Variants in ZEB1 observed in about 807,000 individuals in gnomAD.
ZEB1 encodes the protein zinc finger E-box binding homeobox 1.
A neutral mutation model predicts 84.9 loss-of-function variants in ZEB1; 21 were observed. The observed-to-expected ratio is 0.25, with a 90% CI of 0.18 to 0.36. The LOEUF (loss-of-function observed/expected upper bound fraction) is 0.36, where lower values mean the gene tolerates loss of function less well. ZEB1 is among the 10% of genes least tolerant of loss of function. ZEB1 has a pLI of 1.00. For missense variants in ZEB1, 1,104 were observed against 1,330.2 expected, an observed-to-expected ratio of 0.83 and a Z score of 2.65; for synonymous variants, 420 against 471.1, an observed-to-expected ratio of 0.89 and a Z score of 1.41.
At chr10:31,498,414 G>C (rs2067593159) in intron 3 of ZEB1, among the ~76,000 whole-genome samples, 1 of 151,842 alleles carries the variant, frequency 6.6e-6, no homozygotes, top group African/African-American at 2.4e-5. Flanking sequence ...TTTCTATTGA[G>C]GAAAAATTTT....
chr10:31,432,139 A>G (rs2057785543), intron 1 of ZEB1, among the ~76,000 whole-genome samples: 1 of 152,238 alleles, frequency 6.6e-6, no homozygotes, highest in Non-Finnish European at 1.5e-5. Flanking sequence ...TTCAGAATAT[A>G]GTATAGACCA....
Position 31,408,894 on chromosome 10 carries a change from TG to T in ZEB1, c.59-52140del, listed in dbSNP as rs1486935372. ...GGCAACAAAAGCCAAAATTGACAAA[TG>T]GGATCTAATTAAACTAAAGAGCTTC... is the stretch of plus-strand genomic sequence containing the variant. On this transcript the variant is annotated intron_variant, in intron 1 of 8. Transcript: ENST00000424869. Among the ~76,000 whole-genome samples the T allele has an allele frequency of 5.3e-5, 8 of 149,622 alleles. No homozygotes were observed. The East Asian group carries it at 1.2e-3, about 22-fold the overall frequency.
At chr10:31,524,750 T>C (rs1374851327) in intron 8 of ZEB1, among the ~76,000 whole-genome samples, 1 of 149,110 alleles carries the variant, frequency 6.7e-6, no homozygotes, top group Admixed American at 6.6e-5. Context: ...ATAAAAAATA[T>C]GAGACCAGTG....
At chr10:31,442,629 C>T (rs1008839282) in intron 1 of ZEB1, among the ~76,000 whole-genome samples, 5 of 151,592 alleles carry the variant, frequency 3.3e-5, no homozygotes, top group African/African-American at 4.8e-5. Context: ...TAGGAGAAGT[C>T]ACCTGGGATA....
chr10:31,332,255 T>C (rs2036961356), intron 1 of ZEB1, among the ~76,000 whole-genome samples: 1 of 152,210 alleles, frequency 6.6e-6, no homozygotes, highest in Admixed American at 6.5e-5. Flanking sequence ...GGCTGGTATC[T>C]GTGCACCAAG....
At chr10:31,449,085 T>A (rs1488061873) in intron 1 of ZEB1, among the ~76,000 whole-genome samples, 2 of 152,252 alleles carry the variant, frequency 1.3e-5, no homozygotes, top group East Asian at 1.9e-4. Flanking sequence ...CGTAGGACCC[T>A]CTGAGCCAGG....
chr10:31,346,614 C>T (rs975327492), intron 1 of ZEB1, among the ~76,000 whole-genome samples: 3 of 151,308 alleles, frequency 2.0e-5, no homozygotes, highest in African/African-American at 7.3e-5. Context: ...CCTTTTCTAT[C>T]ATGTCTTGAT....
At chr10:31,380,232 A>G (rs1380875388) in intron 1 of ZEB1, among the ~76,000 whole-genome samples, 1 of 151,680 alleles carries the variant, frequency 6.6e-6, no homozygotes, top group Admixed American at 6.6e-5. Context: ...TGGGTAAACT[A>G]TCCTGTAGAA....
chr10:31,500,408 A>C (rs1328540190), intron 3 of ZEB1, among the ~76,000 whole-genome samples: 1 of 151,960 alleles, frequency 6.6e-6, no homozygotes, highest in Non-Finnish European at 1.5e-5. Flanking sequence ...TTAAGGGAAA[A>C]TTACCCTCAC....
chr10:31,361,174 C>T (rs1428486864), intron 1 of ZEB1: 1 of 1,611,766 alleles, frequency 6.2e-7, no homozygotes, highest in Non-Finnish European at 8.5e-7. Context: ...TCCTCCTGTC[C>T]CAAAAGACCA....
At chr10:31,378,126 A>G (rs753977111) in intron 1 of ZEB1, among the ~76,000 whole-genome samples, 23 of 151,188 alleles carry the variant, frequency 1.5e-4, no homozygotes, top group Admixed American at 3.3e-4. Flanking sequence ...GGATGTATGT[A>G]TACTCACGTC....
chr10:31,343,422 T>G lies in ZEB1; in HGVS notation c.58+24130T>G, dbSNP rs1295145718. 2.0e-5 allele frequency among the ~76,000 whole-genome samples: 3 copies of G among 152,140 alleles called. No homozygotes were observed. The East Asian group carries it at 5.8e-4, about 29-fold the overall frequency. ...AGAAATATAAAAATCCAGCAATCCA[T>G]TATAGTATTGTATTAAGCCTAAGAT... On this transcript the variant is annotated intron_variant, in intron 1 of 8. Coordinates refer to ENST00000424869, the MANE Select transcript of ZEB1 (RefSeq NM_001174096.2).
At chr10:31,480,687 GC>G (rs2064929143) in intron 2 of ZEB1, among the ~76,000 whole-genome samples, 1 of 152,002 alleles carries the variant, frequency 6.6e-6, no homozygotes, top group South Asian at 2.1e-4. Flanking sequence ...AGGAGTGTAG[GC>G]TTTCCCTGCA....
intron 1 of ZEB1, among the ~76,000 whole-genome samples, chr10:31,330,837 C>G (rs61846165): frequency 1.4e-5 from 1 of 71,810 alleles, no homozygotes; most frequent in African/African-American, 6.1e-5. Flanking sequence ...AGTTTTTTAA[C>G]TTTTCTGTTT....
rs75844201 is a variant in ZEB1 at position 31,495,488 on chromosome 10, C to T, written c.260-288C>T. Among the ~76,000 whole-genome samples, 206 of 152,070 alleles carry T rather than the reference C, an allele frequency of 1.4e-3. 4 individuals are homozygous for T. In the East Asian group the frequency reaches 0.038, roughly 28 times the overall value. ...AGCTTTACTTTTCAAGGACACATTACCATATTCATAAAAGGAAAAAATCCA... is the reference window on the plus strand; with the variant it reads ...AGCTTTACTTTTCAAGGACACATTATCATATTCATAAAAGGAAAAAATCCA... On this transcript the variant is annotated intron_variant, in intron 2 of 8. Transcript: ENST00000424869.
At chr10:31,517,569 T>A (rs1178058633) in intron 6 of ZEB1, among the ~76,000 whole-genome samples, 1 of 151,696 alleles carries the variant, frequency 6.6e-6, no homozygotes, top group African/African-American at 2.4e-5. Context: ...GATGTAACCT[T>A]CAGGCTAAAA....
chr10:31,528,601 CAT>C lies in ZEB1; in HGVS notation c.*1340_*1341del, dbSNP rs563136140. 7.7e-4 allele frequency: 118 copies of C among 152,262 alleles called. No individual in the cohort carries two copies. Among genetic ancestry groups the C allele is most frequent in the Middle Eastern group, 3.4e-3 (1 of 294 alleles). 9.4% of individuals were successfully genotyped at this position (152,262 alleles called of 1,614,324 possible). On this transcript the variant is annotated 3_prime_UTR_variant, in exon 9 of 9. Transcript: ENST00000424869. ...GCAGTATTAATACCCTTCTTACTGACATATGTACTTTTAGTTTTAGAAAACTT... is the reference window on the plus strand; with the variant it reads ...GCAGTATTAATACCCTTCTTACTGACATGTACTTTTAGTTTTAGAAAACTT...
At chr10:31,429,742 T>A (rs1253676820) in intron 1 of ZEB1, among the ~76,000 whole-genome samples, 192 of 138,702 alleles carry the variant, frequency 1.4e-3, no homozygotes, top group African/African-American at 4.3e-3. Context: ...ACTTTTTTTT[T>A]TTTTTTTTTT....
At chr10:31,419,777 G>A (rs1453662911) in intron 1 of ZEB1, among the ~76,000 whole-genome samples, 3 of 152,150 alleles carry the variant, frequency 2.0e-5, no homozygotes, top group South Asian at 2.1e-4. Context: ...TCATTCATTC[G>A]AGAAGTGCTT....
Sources: gnomAD v4.1 joint callset for allele counts (sites outside exome capture counted in the v4.1 genomes callset) on GRCh38, gnomAD v4.1.1 for gene constraint, MANE v1.5 for transcripts, NCBI Gene and HGNC (gene_info 2026-07-23, HGNC 2026-07-21) for gene names.